The following PLCXD1 variants were observed in gnomAD, a reference collection of about 807,000 sequenced individuals.
PLCXD1 encodes phosphatidylinositol specific phospholipase C X domain containing 1, also known as PI-PLC X domain-containing protein 1.
PLCXD1 carries 45 observed loss-of-function variants against 37.8 expected under a neutral mutation model. The ratio of observed to expected loss-of-function variants is 1.19; its 90% CI spans 0.94 to 1.53. PLCXD1 has a LOEUF of 1.53. PLCXD1 is among the 40% of genes most tolerant of loss of function. The probability of loss-of-function intolerance (pLI) is 0.00; values close to 1 mark genes in which losing one functional copy is unlikely to be tolerated. For synonymous variants in PLCXD1, 246 were observed against 206.9 expected, an observed-to-expected ratio of 1.19 and a Z score of -1.62; for missense variants, 539 against 454.7, an observed-to-expected ratio of 1.19 and a Z score of -1.69.
intron 1 of PLCXD1, among the ~76,000 whole-genome samples, chrX:282,470 C>G (rs993442448): frequency 6.6e-6 from 1 of 151,764 alleles, no homozygotes; most frequent in Admixed American, 6.6e-5. Context: ...TTTGGGAGGC[C>G]GAGGCAGGCA....
rs753650305 is a variant in PLCXD1, at chrX:290,243, T to C, written c.265-405T>C. Among the ~76,000 whole-genome samples, 581 of 152,018 alleles carry C rather than the reference T, an allele frequency of 3.8e-3. 5 individuals are homozygous for C. The highest frequency in any genetic ancestry group is 0.012 in the African/African-American group (516 of 41,486). ...GAGATCGAGACCGTCCTGGCTAACA[T>C]GTTGAAACCACATCTCTACTAAAAA... On this transcript the variant is annotated intron_variant, in intron 3 of 6. Coordinates refer to ENST00000381657, the MANE Select transcript of PLCXD1 (RefSeq NM_018390.4).
At chrX:291,811 G>A (rs1289914810) in intron 5 of PLCXD1, among the ~76,000 whole-genome samples, 157 bp downstream of exon 5, 2 of 152,260 alleles carry the variant, frequency 1.3e-5, no homozygotes, top group Non-Finnish European at 2.9e-5. Flanking sequence ...AGTGTGGGGG[G>A]CCCTGGCTGA....
At chrX:291,719 A>C (rs7892580) in intron 5 of PLCXD1, 65 bp downstream of exon 5, 30 of 1,536,676 alleles carry the variant, frequency 2.0e-5, no homozygotes, top group Admixed American at 3.3e-5. Flanking sequence ...CTCAGACTCC[A>C]TTTGCTGTGC....
chrX:286,613 G>A (rs1027020455), intron 2 of PLCXD1, among the ~76,000 whole-genome samples: 1 of 152,096 alleles, frequency 6.6e-6, no homozygotes, highest in African/African-American at 2.4e-5. Flanking sequence ...AAGGGGTCGT[G>A]ATAAATCAAG....
chrX:288,459 G>A (rs973846105), intron 2 of PLCXD1, among the ~76,000 whole-genome samples: 3 of 152,046 alleles, frequency 2.0e-5, no homozygotes, highest in African/African-American at 7.3e-5. Context: ...TGTCTTAGAC[G>A]GACACCTGTC....
chrX:285,522 TAC>T (rs1250901670), intron 2 of PLCXD1, among the ~76,000 whole-genome samples: 6 of 150,898 alleles, frequency 4.0e-5, no homozygotes, highest in African/African-American at 1.2e-4. Flanking sequence ...TATACACGTG[TAC>T]ACACGTACAT....
chrX:289,903 G>A (rs1466263188), intron 3 of PLCXD1, among the ~76,000 whole-genome samples: 1 of 152,146 alleles, frequency 6.6e-6, no homozygotes, highest in Non-Finnish European at 1.5e-5. Context: ...TTGCAGTCAG[G>A]CATCTGCTAG....
At chrX:279,214 A>G (rs767879143), upstream of PLCXD1, among the ~76,000 whole-genome samples, 4 of 152,240 alleles carry the variant, frequency 2.6e-5, no homozygotes, top group Admixed American at 6.5e-5. Flanking sequence ...ACGATAGTAA[A>G]ATGTTGTAAT....
chrX:290,165 C>T lies in PLCXD1; in HGVS notation c.265-483C>T, dbSNP rs185988003. 8.5e-3 allele frequency among the ~76,000 whole-genome samples: 1,299 copies of T among 151,990 alleles called. 11 individuals carry two copies. Among genetic ancestry groups the T allele is most frequent in the South Asian group, 0.032 (156 of 4,812 alleles). ...AGTAGAGGCCGGGCGCGGTGGCTCA[C>T]GCCTGTAATCCCAGCACTTTGGGAG... On this transcript the variant is annotated intron_variant, in intron 3 of 6. Transcript: ENST00000381657.
chrX:287,569 TTATA>T (rs1223526447), intron 2 of PLCXD1, among the ~76,000 whole-genome samples: 4 of 95,392 alleles, frequency 4.2e-5, no homozygotes, highest in Non-Finnish European at 5.8e-5. Context: ...CTATATATGT[TTATA>T]TATAGATATA....
chrX:286,908 T>C (rs186805060), intron 2 of PLCXD1, among the ~76,000 whole-genome samples: 9 of 151,862 alleles, frequency 5.9e-5, no homozygotes, highest in African/African-American at 1.9e-4. Context: ...CTTAACACCT[T>C]AGCTCAAGAT....
intron 2 of PLCXD1, among the ~76,000 whole-genome samples, chrX:285,160 CCA>C (rs1338168021): frequency 1.3e-5 from 2 of 151,032 alleles, no homozygotes; most frequent in African/African-American, 2.4e-5. Flanking sequence ...ATGCACATCC[CCA>C]CACATATGCA....
chrX:294,351 G>A (rs771044002), intron 6 of PLCXD1, among the ~76,000 whole-genome samples: 53 of 152,042 alleles, frequency 3.5e-4, no homozygotes, highest in South Asian at 4.2e-4. Context: ...GCGTGGTGGC[G>A]GGCGCCTGTA....
chrX:299,195 C>G lies in PLCXD1; in HGVS notation c.832C>G (p.Pro278Ala), dbSNP rs758994288. Residue 278 changes from proline to alanine, a missense_variant, in exon 7 of 7, where the codon CCG becomes GCG. By Grantham distance (27) the Pro-to-Ala change is conservative. Coordinates refer to ENST00000381657, the MANE Select transcript of PLCXD1 (RefSeq NM_018390.4). ...GGAGAAGATGACGCTGCCCAACCTT[C>G]CGCGGCTGAGCGCGTGGGTCCGAGA... ...SLEKMTLPNL[P>A]RLSAWVREQC... 2.5e-6 allele frequency: 4 copies of G among 1,613,900 alleles called. No homozygotes were observed. In the African/African-American group the frequency reaches 4.0e-5, roughly 16 times the overall value.
rs1222813860 is a variant in PLCXD1 at position 291,600 on chromosome X, G to A, written c.495G>A (p.Glu165=). 4.3e-6 allele frequency: 7 copies of A among 1,612,914 alleles called. No individual in the cohort carries two copies. The highest frequency in any genetic ancestry group is 2.2e-5 in the South Asian group (2 of 91,026). ...NFEGLSEDLH[E]YLVACIKNIF... is the part of the protein sequence containing the mutation. ...AGGGGCTGAGCGAGGACCTGCACGA[G>A]TACCTGGTCGCCTGTATCAAGAACA... The change falls in exon 5 of 7, where the codon GAG becomes GAA. Residue 165 remains glutamate (E), a synonymous_variant. Transcript: ENST00000381657.
At chrX:285,091 CACACAG>C (rs2069402643) in intron 2 of PLCXD1, among the ~76,000 whole-genome samples, 1 of 148,438 alleles carries the variant, frequency 6.7e-6, no homozygotes, top group African/African-American at 2.5e-5. Flanking sequence ...CATGCAGGCA[CACACAG>C]ACACATACAT....
In PLCXD1 at chrX:291,502, ACACT is replaced by A. The variant is rs757974522; in HGVS notation, c.401_404del (p.Leu134ArgfsTer25). ...AGCCCAGCACCCCCCTCCCCAGGAC[ACACT>A]CACGGAAATCTCGGAGTGGCTGGAG... On this transcript the variant is annotated frameshift_variant, in exon 5 of 7. Transcript: ENST00000381657. LOFTEE classifies it high-confidence loss of function. 1.9e-6 allele frequency: 3 copies of A among 1,612,354 alleles called. No individual in the cohort carries two copies. The highest frequency in any genetic ancestry group is 1.7e-6 in the Non-Finnish European group (2 of 1,179,816).
intron 6 of PLCXD1, among the ~76,000 whole-genome samples, chrX:294,219 A>G (rs1031165008): frequency 4.6e-5 from 7 of 152,096 alleles, no homozygotes; most frequent in African/African-American, 1.7e-4. Flanking sequence ...GCGGTGGCTC[A>G]CGCCTGTAAT....
At chrX:283,878 C>CTTT in intron 1 of PLCXD1, 1 of 192,264 alleles carries the variant, frequency 5.2e-6, no homozygotes, top group Admixed American at 5.8e-5. Flanking sequence ...CTCTCTCTCT[C>CTTT]TTTTTTTTTT....
Sources: allele counts gnomAD v4.1 joint callset (sites outside exome capture counted in the v4.1 genomes callset), GRCh38; gene constraint gnomAD v4.1.1; transcripts MANE v1.5; gene names NCBI Gene and HGNC (gene_info 2026-07-23, HGNC 2026-07-21).